Variants in ALG1 observed in about 807,000 individuals in gnomAD.
ALG1 encodes chitobiosyldiphosphodolichol beta-mannosyltransferase.
ALG1 carries 58 observed loss-of-function variants against 55.1 expected under a neutral mutation model. The observed-to-expected ratio is 1.05, with a 90% confidence interval of 0.85 to 1.31. The LOEUF (loss-of-function observed/expected upper bound fraction) is 1.31. Among genes scored for constraint, ALG1 ranks in the 50% most tolerant of loss-of-function variants. The pLI is 0.00. For synonymous variants in ALG1, 309 were observed against 247.0 expected, an observed-to-expected ratio of 1.25 and a Z score of -2.35; for missense variants, 761 against 598.6, an observed-to-expected ratio of 1.27 and a Z score of -2.83.
intron 6 of ALG1, 49 bp from the exon 7 acceptor site, chr16:5,078,708 C>G (rs1376044824): frequency 6.2e-7 from 1 of 1,611,748 alleles, no homozygotes; most frequent in African/African-American, 1.3e-5. Flanking sequence ...TCTCCTGGGT[C>G]CCGGGCCTGC....
At chr16:5,079,888 C>A in intron 9 of ALG1, 81 bp downstream of exon 9, 1 of 1,517,338 alleles carries the variant, frequency 6.6e-7, no homozygotes, top group Admixed American at 1.7e-5. Flanking sequence ...CCTGTGCTTC[C>A]CATGATCTTG....
chr16:5,078,946 C>A, intron 7 of ALG1, 68 bp downstream of exon 7: 2 of 1,598,576 alleles, frequency 1.3e-6, no homozygotes, highest in Non-Finnish European at 1.7e-6. Context: ...GTTCTCCTCA[C>A]CCCTGCCAGT....
chr16:5,083,555 A>T (rs1957054753), intron 11 of ALG1, 127 bp from the exon 12 acceptor site: 1 of 1,548,880 alleles, frequency 6.5e-7, no homozygotes, highest in Admixed American at 1.9e-5. Context: ...GCTCCCGGAA[A>T]CCACACCCCC....
At position 5,075,526 on chromosome 16, in the gene ALG1, C is replaced by G. The variant is rs200194917; in HGVS notation, c.529C>G (p.Leu177Val). Residue 177 changes from leucine (L) to valine (V), a missense_variant, in exon 4 of 13, where the codon CTG becomes GTG. Leu to Val is a conservative substitution (Grantham distance 32, BLOSUM62 1). Transcript: ENST00000262374. ...TGGCCCCAACCATCCCCTCGTTCTG[C>G]TGGCCAAGTGGTGAGAGTCTAGGAA... is the stretch of plus-strand genomic sequence containing the variant. ...VHGPNHPLVL[L>V]AKWYEKFFGR... The G allele has an allele frequency of 6.2e-7, 1 of 1,614,138 alleles. No individual in the cohort carries two copies. The highest frequency in any genetic ancestry group is 8.5e-7 in the Non-Finnish European group (1 of 1,180,030).
At chr16:5,080,115 T>C (rs1368320765) in intron 9 of ALG1, among the ~76,000 whole-genome samples, 1 of 149,442 alleles carries the variant, frequency 6.7e-6, no homozygotes, top group Non-Finnish European at 1.5e-5. Flanking sequence ...TCGCCCAGGC[T>C]GGAGTGCAGT....
At chr16:5,072,156 G>T in intron 1 of ALG1, 99 bp downstream of exon 1, 2 of 1,542,374 alleles carry the variant, frequency 1.3e-6, no homozygotes, top group South Asian at 2.4e-5. Context: ...TCCTTTAGTC[G>T]CCGCCTTTGG....
intron 4 of ALG1, 76 bp downstream of exon 4, chr16:5,075,612 G>A (rs546761678): frequency 1.4e-4 from 228 of 1,579,046 alleles, no homozygotes; most frequent in Non-Finnish European, 1.0e-4. Context: ...GCCATAGTGG[G>A]CCTCCGGAAG....
At chr16:5,077,629 G>T in intron 5 of ALG1, 95 bp downstream of exon 5, 1 of 1,336,168 alleles carries the variant, frequency 7.5e-7, no homozygotes, top group Non-Finnish European at 1.1e-6. Context: ...TCCTGCTGAG[G>T]GGCAATTTGA....
At position 5,072,014 on chromosome 16, in the gene ALG1, G is replaced by A; in HGVS notation, c.165G>A (p.Ser55=). ...CCCGTATGCAGTACCACGCGCTGTC[G>A]TTGGCCATGCACGGCTTCTCGGTGA... ...RSPRMQYHAL[S]LAMHGFSVTL... is the part of the protein sequence containing the mutation. The change falls in exon 1 of 13, where the codon TCG becomes TCA. Residue 55 remains serine (S), a synonymous_variant. Transcript: ENST00000262374. 1.3e-6 allele frequency: 2 copies of A among 1,597,916 alleles called. No homozygotes were observed. Among genetic ancestry groups the A allele is most frequent in the Non-Finnish European group, 1.7e-6 (2 of 1,171,996 alleles).
At chr16:5,076,302 C>G (rs951065895) in intron 4 of ALG1, among the ~76,000 whole-genome samples, 1 of 152,256 alleles carries the variant, frequency 6.6e-6, no homozygotes, top group South Asian at 2.1e-4. Flanking sequence ...AGTTTGTTCA[C>G]TGGCAGTGGT....
chr16:5,079,723 G>C, intron 8 of ALG1, 25 bp from the exon 9 acceptor site: 1 of 1,609,594 alleles, frequency 6.2e-7, no homozygotes, highest in Non-Finnish European at 8.5e-7. Context: ...ATTCCATGTA[G>C]AATTGTTTCT....
Position 5,078,802 on chromosome 16 carries a change from G to A in ALG1, c.786G>A (p.Glu262=), listed in dbSNP as rs779539789. The A allele has an allele frequency of 3.1e-6, 5 of 1,612,846 alleles. No homozygotes were observed. Among genetic ancestry groups the A allele is most frequent in the Non-Finnish European group, 4.2e-6 (5 of 1,179,798 alleles). ...TCACGGAGCGGTCGGCCTTCACGGA[G>A]CGGGATGCTGGGAGCGGGCTGGTGA... is the stretch of plus-strand genomic sequence containing the variant. ...DPVTERSAFT[E]RDAGSGLVTR... Residue 262 remains glutamate, a synonymous_variant, in exon 7 of 13, where the codon GAG becomes GAA. Transcript: ENST00000262374.
In ALG1 at chr16:5,077,488, G is replaced by A; in HGVS notation, c.583G>A (p.Val195Ile). Residue 195 changes from valine (V) to isoleucine (I), a missense_variant, in exon 5 of 13, where the codon GTT (valine) becomes ATT (isoleucine). Physicochemically the swap from Val to Ile is conservative, Grantham distance 29. Coordinates refer to ENST00000262374, the MANE Select transcript of ALG1 (RefSeq NM_019109.5). The part of the protein sequence containing the change: ...FGRLSHLNLC[V>I]TNAMREDLAD... ...GCGCCTGTCCCACCTGAACCTGTGT[G>A]TTACCAATGCTATGCGAGAAGACCT... is the stretch of plus-strand genomic sequence containing the variant. 1 of 1,614,206 alleles carries A rather than the reference G, an allele frequency of 6.2e-7. No homozygotes were observed. The highest frequency in any genetic ancestry group is 1.1e-5 in the South Asian group (1 of 91,092).
chr16:5,072,276 C>T, intron 1 of ALG1: 2 of 1,450,920 alleles, frequency 1.4e-6, no homozygotes, highest in Non-Finnish European at 1.8e-6. Flanking sequence ...TAAGTGAATC[C>T]ATTGCGTGGT....
intron 1 of ALG1, 32 bp downstream of exon 1, chr16:5,072,089 C>G: frequency 6.4e-7 from 1 of 1,552,752 alleles, no homozygotes; most frequent in Non-Finnish European, 8.7e-7. Flanking sequence ...AGGGACGATG[C>G]TCTCTCAGCC....
chr16:5,076,242 C>A (rs751320768), intron 4 of ALG1, among the ~76,000 whole-genome samples: 2 of 152,224 alleles, frequency 1.3e-5, no homozygotes, highest in Non-Finnish European at 2.9e-5. Context: ...CCAGCTGCTG[C>A]GTGTACTTCC....
At chr16:5,073,085 T>C in intron 2 of ALG1, 57 bp downstream of exon 2, 1 of 1,612,212 alleles carries the variant, frequency 6.2e-7, no homozygotes, top group Non-Finnish European at 8.5e-7. Context: ...GCAGGGGGTG[T>C]TCGTTTGAAA....
rs1475023645 is a variant in ALG1 at position 5,073,039 on chromosome 16, G to A, written c.286+11G>A. The A allele has an allele frequency of 1.9e-6, 3 of 1,613,716 alleles. No homozygotes were observed. Among genetic ancestry groups the A allele is most frequent in the East Asian group, 2.2e-5 (1 of 44,882 alleles). ...TTCAGAGTCTTGCAGGTAGGATGCC[G>A]TCAACTCCAGAATCCTCTGAATCCA... is the stretch of plus-strand genomic sequence containing the variant. On this transcript the variant is annotated intron_variant, in intron 2 of 12. Transcript: ENST00000262374.
At chr16:5,075,614 C>A in intron 4 of ALG1, 78 bp downstream of exon 4, 1 of 1,578,848 alleles carries the variant, frequency 6.3e-7, no homozygotes, top group Non-Finnish European at 8.6e-7. Context: ...CATAGTGGGC[C>A]TCCGGAAGTC....
Sources: gnomAD v4.1 joint callset for allele counts (sites outside exome capture counted in the v4.1 genomes callset) on GRCh38, gnomAD v4.1.1 for gene constraint, MANE v1.5 for transcripts, NCBI Gene and HGNC (gene_info 2026-07-23, HGNC 2026-07-21) for gene names.